ZNF7: variants seen among roughly 807,000 people sequenced by gnomAD.
ZNF7 encodes the protein zinc finger protein 7.
A neutral mutation model predicts 12.0 loss-of-function variants in ZNF7; 10 were observed. The observed-to-expected ratio is 0.83, with a 90% CI of 0.51 to 1.42. ZNF7 has a LOEUF of 1.42. Among genes scored for constraint, ZNF7 ranks in the 40% most tolerant of loss-of-function variants. The pLI, the probability that ZNF7 is intolerant of heterozygous loss-of-function variation, is 0.00. For missense variants in ZNF7, 854 were observed against 837.2 expected (o/e 1.02, Z -0.25); for synonymous variants, 334 against 295.0 (o/e 1.13, Z -1.35).
At chr8:144,831,437 G>A (rs555222792) in intron 3 of ZNF7, among the ~76,000 whole-genome samples, 5 of 152,270 alleles carry the variant, frequency 3.3e-5, no homozygotes, top group African/African-American at 9.6e-5. Context: ...GCCACCTGGC[G>A]GATGACATCA....
chr8:144,846,863 T>C (rs1830538506), downstream of ZNF7: 1 of 152,158 alleles, frequency 6.6e-6, no homozygotes, highest in Non-Finnish European at 1.5e-5. Flanking sequence ...CACGCCCGGC[T>C]AATTTTTTTG....
rs568443862 is a variant in ZNF7, at chr8:144,842,321, G to T, written c.1214G>T (p.Arg405Ile). 8 of 1,613,978 alleles carry T rather than the reference G, an allele frequency of 5.0e-6. No homozygotes were observed. Among genetic ancestry groups the T allele is most frequent in the South Asian group, 2.2e-5 (2 of 91,086 alleles). Reference sequence around the variant, plus strand: ...AGTCCAAGCCTTGTTGCACATCAGAGAATTCACGCTGTAGAGAAACCATTT... The same window carrying T: ...AGTCCAAGCCTTGTTGCACATCAGATAATTCACGCTGTAGAGAAACCATTT... ...SDSPSLVAHQ[R>I]IHAVEKPFKC... Residue 405 changes from arginine (R) to isoleucine (I), a missense_variant, in exon 5 of 5, where the codon AGA (arginine) becomes ATA (isoleucine). Arg to Ile is a moderately conservative substitution (Grantham distance 97). Transcript: ENST00000532777.
Position 144,827,715 on chromosome 8 carries a change from G to T in ZNF7, c.-46+106G>T, listed in dbSNP as rs555761138. ...CGGCATTGGGGTCCCCGCGTCCCCC[G>T]GGCCTCCAGGCGGGAAAGCGCGGGG... is the stretch of plus-strand genomic sequence containing the variant. On this transcript the variant is annotated intron_variant, in intron 1 of 4. Coordinates refer to ENST00000532777, the MANE Select transcript of ZNF7 (RefSeq NM_003416.4). 5.5e-5 allele frequency: 54 copies of T among 977,732 alleles called. 1 individual carries two copies. In the South Asian group the frequency reaches 2.1e-3, roughly 39 times the overall value. The allele number at this position is 977,732 out of a possible 1,614,324, so 60.6% of individuals were successfully genotyped here. A position where few individuals can be genotyped will look rare whatever the true frequency, so the allele number is the denominator to read the frequency against.
chr8:144,842,608 G>A lies in ZNF7; in HGVS notation c.1501G>A (p.Asp501Asn), dbSNP rs367564747. Residue 501 changes from aspartate to asparagine, a missense_variant, in exon 5 of 5, where the codon GAC becomes AAC. Asp to Asn is a conservative substitution (Grantham distance 23). Transcript: ENST00000532777. ...TGGAGAGAAACCCTATGTGTGTAAT[G>A]ACTGTGGAAAAGCCTTCAGTCAGAG... ...HTGEKPYVCN[D>N]CGKAFSQSSS... 13 of 1,614,080 alleles carry A rather than the reference G, an allele frequency of 8.1e-6. No individual in the cohort carries two copies. Among genetic ancestry groups the A allele is most frequent in the South Asian group, 5.5e-5 (5 of 91,078 alleles).
Position 144,842,569 on chromosome 8 carries a change from C to G in ZNF7, c.1462C>G (p.Gln488Glu), listed in dbSNP as rs1830081819. ...FVQGSHLIQH[Q>E]RIHTGEKPYV... ...TCAGGGCTCACACCTTATTCAGCAT[C>G]AGCGAATCCACACTGGAGAGAAACC... The change falls in exon 5 of 5, where the codon CAG (glutamine) becomes GAG (glutamate). Residue 488 changes from glutamine (Q) to glutamate (E), a missense_variant. Transcript: ENST00000532777. 6.2e-7 allele frequency: 1 copy of G among 1,614,064 alleles called. No individual in the cohort carries two copies. The highest frequency in any genetic ancestry group is 8.5e-7 in the Non-Finnish European group (1 of 1,180,028).
Position 144,842,754 on chromosome 8 carries a change from A to G in ZNF7, c.1647A>G (p.Gly549=). ...CAATACATCAAAGGGTTCACACTGG[A>G]GAGAGGCCCTATAAATGTAATGAAT... ...QLTIHQRVHT[G]ERPYKCNECG... Residue 549 remains glycine, a synonymous_variant, in exon 5 of 5, where the codon GGA becomes GGG. Transcript: ENST00000532777. 1.2e-6 allele frequency: 2 copies of G among 1,614,206 alleles called. No individual in the cohort carries two copies. Among genetic ancestry groups the G allele is most frequent in the Non-Finnish European group, 1.7e-6 (2 of 1,180,038 alleles).
At chr8:144,841,230 C>T (rs1829865536) in intron 4 of ZNF7, 125 bp from the exon 5 acceptor site, 2 of 966,384 alleles carry the variant, frequency 2.1e-6, no homozygotes, top group East Asian at 4.8e-5. Context: ...CACGTTTCCA[C>T]CTGGGGCCTC....
At chr8:144,834,336 TGA>T (rs1473862531) in intron 3 of ZNF7, 2 of 152,172 alleles carry the variant, frequency 1.3e-5, no homozygotes, top group East Asian at 1.9e-4. Context: ...TTCCTGCAAA[TGA>T]GAGTTTGGTA....
chr8:144,837,657 A>G (rs1320322951), intron 4 of ZNF7, 150 bp downstream of exon 4: 2 of 602,766 alleles, frequency 3.3e-6, no homozygotes, highest in African/African-American at 1.8e-5. Flanking sequence ...AGCACCTAGA[A>G]GGGAGCATAG....
intron 3 of ZNF7, among the ~76,000 whole-genome samples, chr8:144,833,167 C>T (rs1422747179): frequency 7.4e-6 from 1 of 135,980 alleles, no homozygotes; most frequent in Non-Finnish European, 1.5e-5. Context: ...CACTGCACTT[C>T]AGTCTGGGCA....
At chr8:144,835,691 T>C (rs961831101) in intron 3 of ZNF7, 22 of 152,244 alleles carry the variant, frequency 1.4e-4, no homozygotes, top group African/African-American at 5.1e-4. Context: ...CTTTGTTCTC[T>C]AGCTCTCTGA....
At chr8:144,846,051 G>T (rs1341216297), downstream of ZNF7, 4 of 1,536,578 alleles carry the variant, frequency 2.6e-6, no homozygotes, top group Non-Finnish European at 8.7e-7. Context: ...CCTGTTCCTG[G>T]CCTTCCAAAA....
intron 4 of ZNF7, among the ~76,000 whole-genome samples, chr8:144,839,756 C>T (rs1012281737): frequency 1.3e-5 from 2 of 152,126 alleles, no homozygotes; most frequent in Admixed American, 1.3e-4. Flanking sequence ...GTTACTTGTC[C>T]CCAGCTGGTA....
At chr8:144,846,523 A>C (rs1830519159), downstream of ZNF7, 3 of 221,722 alleles carry the variant, frequency 1.4e-5, no homozygotes, top group Admixed American at 1.5e-4. Flanking sequence ...TTGAACTTGG[A>C]AAATGACTTC....
chr8:144,845,900 CT>C, downstream of ZNF7: 1 of 1,419,972 alleles, frequency 7.0e-7, no homozygotes, highest in East Asian at 2.5e-5. Context: ...TGAGAAGGGT[CT>C]TGGCAGGTAA....
At chr8:144,838,728 G>C (rs1441541783) in intron 4 of ZNF7, 1 of 152,436 alleles carries the variant, frequency 6.6e-6, no homozygotes, top group Non-Finnish European at 1.5e-5. Context: ...GGATCACGAG[G>C]TCAGGAGATC....
In ZNF7 at chr8:144,842,095, GGA is replaced by G; in HGVS notation, c.994_995del (p.Arg332AlafsTer6). ...SLIHHQRIHT[G>X]ERPYGCRECG... The stretch of plus-strand genomic sequence containing the variant: ...CATCCACCATCAGAGAATCCACACA[GGA>G]GAGAGGCCCTATGGTTGTCGTGAGT... On this transcript the variant is annotated frameshift_variant, in exon 5 of 5. Coordinates refer to ENST00000532777, the MANE Select transcript of ZNF7 (RefSeq NM_003416.4). LOFTEE classifies it low-confidence loss of function (END_TRUNC). 6.2e-7 allele frequency: 1 copy of G among 1,614,234 alleles called. No homozygotes were observed. The highest frequency in any genetic ancestry group is 8.5e-7 in the Non-Finnish European group (1 of 1,180,058).
rs1401352093 is a variant in ZNF7 at position 144,837,402 on chromosome 8, G to A, written c.142G>A (p.Val48Ile). Residue 48 changes from valine to isoleucine, a missense_variant, in exon 4 of 5, where the codon GTT (valine) becomes ATT (isoleucine). Physicochemically the swap from Val to Ile is conservative, Grantham distance 29. Transcript: ENST00000532777. ...TGCCGCACACACAGCAGGATTCCTG[G>A]TTTTCAAGCCTGAGCTGATCTCTCG... ...SSVAGLAGFL[V>I]FKPELISRLE... 1.2e-6 allele frequency: 2 copies of A among 1,609,122 alleles called. No individual in the cohort carries two copies. The highest frequency in any genetic ancestry group is 3.3e-5 in the Admixed American group (2 of 59,864).
intron 3 of ZNF7, among the ~76,000 whole-genome samples, chr8:144,830,130 G>T (rs1586788382): frequency 6.6e-6 from 1 of 152,176 alleles, no homozygotes; most frequent in Non-Finnish European, 1.5e-5. Context: ...TTGGTGAGGG[G>T]GGGTGCGTCT....
Sources: gnomAD v4.1 joint callset for allele counts (sites outside exome capture counted in the v4.1 genomes callset) on GRCh38, gnomAD v4.1.1 for gene constraint, MANE v1.5 for transcripts, NCBI Gene and HGNC (gene_info 2026-07-23, HGNC 2026-07-21) for gene names.